SH3KBP1: variants seen among roughly 807,000 people sequenced by gnomAD.
The protein encoded by SH3KBP1 is SH3 domain-containing kinase-binding protein 1.
A neutral mutation model predicts 50.1 loss-of-function variants in SH3KBP1; 8 were observed. The ratio of observed to expected loss-of-function variants is 0.16; its 90% CI spans 0.09 to 0.29. SH3KBP1 has a LOEUF of 0.29. Ranked by LOEUF, SH3KBP1 falls within the 10% of genes least tolerant of loss-of-function variation. The probability of loss-of-function intolerance (pLI) is 1.00; values close to 1 mark genes in which losing one functional copy is unlikely to be tolerated. For synonymous variants in SH3KBP1, 227 were observed against 218.6 expected (o/e 1.04, Z -0.34); for missense variants, 377 against 535.2 (o/e 0.70, Z 2.92).
At chrX:19,767,091 A>G (rs2065643431) in intron 2 of SH3KBP1, among the ~76,000 whole-genome samples, 1 of 112,168 alleles carries the variant, frequency 8.9e-6, no homozygotes, top group African/African-American at 3.2e-5. Flanking sequence ...AGCTTAGAAC[A>G]GTGCCTGGCA....
At chrX:19,594,559 G>A (rs1308825161) in intron 10 of SH3KBP1, among the ~76,000 whole-genome samples, 1 of 111,985 alleles carries the variant, frequency 8.9e-6, no homozygotes, top group African/African-American at 3.2e-5. Context: ...GCTATGACCT[G>A]TGGGAAACAA....
intron 2 of SH3KBP1, among the ~76,000 whole-genome samples, chrX:19,805,597 G>A (rs1329184576): frequency 3.8e-5 from 4 of 106,218 alleles, no homozygotes; most frequent in African/African-American, 1.0e-4. Context: ...GAAGTTCTCC[G>A]AACCTGACAG....
rs183573610 is a variant in SH3KBP1, at chrX:19,722,092, T to C, written c.287-15108A>G. Among the ~76,000 whole-genome samples the C allele has an allele frequency of 5.3e-3, 594 of 112,434 alleles. 8 individuals are homozygous for C. Among genetic ancestry groups the C allele is most frequent in the Non-Finnish European group, 6.7e-3 (357 of 53,228 alleles). On this transcript the variant is annotated intron_variant, in intron 3 of 17. Transcript: ENST00000397821. ...CAGTAAACATAACATTTGGACTCTG[T>C]TCATTGGAATGCTTCATAAGCTTTG...
chrX:19,537,317 G>A (rs888013005), intron 17 of SH3KBP1, among the ~76,000 whole-genome samples: 4 of 110,969 alleles, frequency 3.6e-5, no homozygotes, highest in African/African-American at 1.3e-4. Context: ...AATTAGCCAG[G>A]TGTGGTGGCA....
chrX:19,862,748 G>A (rs905118624), intron 1 of SH3KBP1, among the ~76,000 whole-genome samples: 40 of 111,595 alleles, frequency 3.6e-4, no homozygotes, highest in African/African-American at 1.2e-3. Flanking sequence ...ATATAGCTCT[G>A]TATTACTTGG....
intron 6 of SH3KBP1, 78 bp from the exon 7 acceptor site, chrX:19,645,553 T>A: frequency 2.5e-6 from 2 of 815,008 alleles, no homozygotes; most frequent in South Asian, 4.4e-5. Flanking sequence ...CAGATCATAA[T>A]GACAAAATGC....
intron 2 of SH3KBP1, among the ~76,000 whole-genome samples, chrX:19,826,711 A>G (rs1348316997): frequency 9.3e-6 from 1 of 107,927 alleles, no homozygotes; most frequent in Non-Finnish European, 1.9e-5. Context: ...ATAACATAAC[A>G]TAACATAACA....
At chrX:19,648,442 A>AGGAGGGAAGGAG (rs767927411) in intron 6 of SH3KBP1, among the ~76,000 whole-genome samples, 4 of 98,620 alleles carry the variant, frequency 4.1e-5, no homozygotes, top group African/African-American at 7.3e-5. Context: ...GAAGGAAGGA[A>AGGAGGGAAGGAG]GGAGGGAAGG....
At chrX:19,608,306 C>CTTTCT (rs2067302335) in intron 8 of SH3KBP1, among the ~76,000 whole-genome samples, 1 of 87,295 alleles carries the variant, frequency 1.1e-5, no homozygotes, top group Non-Finnish European at 2.2e-5. Flanking sequence ...TTCTTTCTTT[C>CTTTCT]TTTTTTTTTT....
Position 19,594,952 on chromosome X carries a change from C to A in SH3KBP1, c.1054G>T (p.Ala352Ser). The A allele has an allele frequency of 8.4e-7, 1 of 1,194,392 alleles. No homozygotes were observed. Among genetic ancestry groups the A allele is most frequent in the Non-Finnish European group, 1.1e-6 (1 of 879,879 alleles). ...ATGGAACTGAAAGGTACATTACCTG[C>A]CCCTTGTTTGATGACAGGAGCGGAT... The part of the protein sequence containing the change: ...PPSAPVIKQG[A>S]GTTERKHEIK... Residue 352 changes from alanine to serine, a missense_variant, in exon 10 of 18, where the codon GCA becomes TCA. This residue lies in a region of SH3KBP1 where 257 missense variants were observed against 374.2 expected (regional missense o/e 0.69). Transcript: ENST00000397821.
chrX:19,639,146 T>C (rs1042800537), intron 7 of SH3KBP1, among the ~76,000 whole-genome samples: 1 of 111,303 alleles, frequency 9.0e-6, no homozygotes, highest in Non-Finnish European at 1.9e-5. Flanking sequence ...ACATTTAAAT[T>C]GAGACGGAGA....
At chrX:19,806,973 G>GA (rs1403908092) in intron 2 of SH3KBP1, among the ~76,000 whole-genome samples, 8 of 111,967 alleles carry the variant, frequency 7.1e-5, no homozygotes, top group African/African-American at 2.3e-4. Context: ...TAACTGGGTT[G>GA]ACCCTTAATA....
At chrX:19,851,562 G>A (rs2068510166) in intron 1 of SH3KBP1, among the ~76,000 whole-genome samples, 1 of 112,330 alleles carries the variant, frequency 8.9e-6, no homozygotes, top group Non-Finnish European at 1.9e-5. Context: ...TTTGAGACAG[G>A]GTCTCACTCT....
intron 9 of SH3KBP1, among the ~76,000 whole-genome samples, chrX:19,596,594 A>G (rs2066912075): frequency 8.9e-6 from 1 of 111,929 alleles, no homozygotes; most frequent in South Asian, 3.7e-4. Flanking sequence ...ATGCTGTTTG[A>G]TAGCATTTTA....
chrX:19,850,108 A>G (rs1381666787), intron 1 of SH3KBP1, among the ~76,000 whole-genome samples: 1 of 112,202 alleles, frequency 8.9e-6, no homozygotes, highest in African/African-American at 3.2e-5. Flanking sequence ...TAAAGGCAAC[A>G]AAATATTAAA....
At chrX:19,688,556 A>G (rs1322373014) in intron 5 of SH3KBP1, among the ~76,000 whole-genome samples, 1 of 110,877 alleles carries the variant, frequency 9.0e-6, no homozygotes, top group Non-Finnish European at 1.9e-5. Context: ...ACCATGAGCA[A>G]CTATACAGAA....
chrX:19,571,677 T>C (rs769136816), intron 12 of SH3KBP1, among the ~76,000 whole-genome samples: 144 of 111,752 alleles, frequency 1.3e-3, no homozygotes, highest in Middle Eastern at 4.6e-3. Context: ...GGTGCTGCCA[T>C]CCTTCAAAAT....
intron 3 of SH3KBP1, among the ~76,000 whole-genome samples, chrX:19,708,557 T>G (rs2063705937): frequency 9.0e-6 from 1 of 111,286 alleles, no homozygotes. Flanking sequence ...GAATGGGTAT[T>G]CCGATGCAAA....
At chrX:19,651,371 G>A (rs766292007) in intron 6 of SH3KBP1, among the ~76,000 whole-genome samples, 155 of 111,163 alleles carry the variant, frequency 1.4e-3, no homozygotes, top group African/African-American at 4.7e-3. Context: ...AAAATAAAGC[G>A]TATGGTCCGG....
Sources: gnomAD v4.1 joint callset for allele counts (sites outside exome capture counted in the v4.1 genomes callset) on GRCh38, gnomAD v4.1.1 for gene constraint, gnomAD v4.1.1 regional missense constraint, MANE v1.5 for transcripts, NCBI Gene and HGNC (gene_info 2026-07-23, HGNC 2026-07-21) for gene names.